AATF: variants seen among roughly 807,000 people sequenced by gnomAD.
AATF encodes the protein apoptosis antagonizing transcription factor, also known as protein AATF.
AATF carries 48 observed loss-of-function variants against 63.7 expected under a neutral mutation model. The ratio of observed to expected loss-of-function variants is 0.75; its 90% CI spans 0.60 to 0.96. The LOEUF (loss-of-function observed/expected upper bound fraction) is 0.96, where lower values mean the gene tolerates loss of function less well. AATF is among the 40% of genes least tolerant of loss of function. AATF has a pLI of 0.00. For synonymous variants in AATF, 258 were observed against 247.7 expected (o/e 1.04, Z -0.39); for missense variants, 639 against 685.7 (o/e 0.93, Z 0.76).
intron 8 of AATF, among the ~76,000 whole-genome samples, chr17:37,017,467 G>C: frequency 6.6e-6 from 1 of 152,086 alleles, no homozygotes; most frequent in East Asian, 1.9e-4. Context: ...TAGGTTTACT[G>C]TGTCATATGT....
At chr17:37,048,475 A>C (rs931241722) in intron 11 of AATF, among the ~76,000 whole-genome samples, 11 of 140,832 alleles carry the variant, frequency 7.8e-5, no homozygotes, top group African/African-American at 3.0e-4. Flanking sequence ...GGTTCAAGTG[A>C]TTTTCCCGGC....
At chr17:37,007,727 G>T (rs1241797671) in intron 8 of AATF, among the ~76,000 whole-genome samples, 2 of 152,166 alleles carry the variant, frequency 1.3e-5, no homozygotes, top group African/African-American at 4.8e-5. Context: ...GAAGGCTCCA[G>T]CGAAGAGGAC....
chr17:37,012,953 T>G (rs2071403097), intron 8 of AATF, among the ~76,000 whole-genome samples: 1 of 152,204 alleles, frequency 6.6e-6, no homozygotes, highest in African/African-American at 2.4e-5. Flanking sequence ...CAATGGTTTC[T>G]TAGATACAAA....
At chr17:37,052,080 A>G (rs1365838455) in intron 11 of AATF, among the ~76,000 whole-genome samples, 3 of 152,146 alleles carry the variant, frequency 2.0e-5, no homozygotes, top group Non-Finnish European at 4.4e-5. Context: ...CGCATTGTCT[A>G]CAGTGGACAC....
intron 5 of AATF, among the ~76,000 whole-genome samples, chr17:36,987,871 A>T (rs1277196232): frequency 1.3e-5 from 2 of 152,224 alleles, no homozygotes; most frequent in East Asian, 1.9e-4. Context: ...AAATATGGTT[A>T]TGTGTTTAAT....
chr17:36,984,815 T>A lies in AATF; in HGVS notation c.833-1802T>A, dbSNP rs958885888. Among the ~76,000 whole-genome samples, 6 of 151,722 alleles carry A rather than the reference T, an allele frequency of 4.0e-5. No individual in the cohort carries two copies. The South Asian group carries it at 6.2e-4, about 16-fold the overall frequency. The stretch of plus-strand genomic sequence containing the variant: ...AAAACCGGCTAGTTTTTAAAAAAAA[T>A]TTTGTAGAGCTGGGGTCTTACTGTG... On this transcript the variant is annotated intron_variant, in intron 4 of 11. Transcript: ENST00000619387.
chr17:37,011,236 G>A (rs545748430), intron 8 of AATF, among the ~76,000 whole-genome samples: 30 of 152,222 alleles, frequency 2.0e-4, no homozygotes, highest in African/African-American at 7.0e-4. Flanking sequence ...TTAGCCCGGC[G>A]TGGTGGTGCA....
At chr17:37,002,730 T>G (rs2071310387) in intron 8 of AATF, among the ~76,000 whole-genome samples, 1 of 151,434 alleles carries the variant, frequency 6.6e-6, no homozygotes, top group Non-Finnish European at 1.5e-5. Flanking sequence ...ACCTAGAAGA[T>G]GAAATATTTA....
At chr17:36,956,854 G>C (rs1286089050) in intron 4 of AATF, among the ~76,000 whole-genome samples, 1 of 152,074 alleles carries the variant, frequency 6.6e-6, no homozygotes, top group Non-Finnish European at 1.5e-5. Context: ...GTACACACTT[G>C]TAGTCCCAGC....
intron 8 of AATF, among the ~76,000 whole-genome samples, chr17:37,014,388 A>G (rs1263947442): frequency 1.3e-5 from 2 of 152,080 alleles, no homozygotes. Context: ...TGCTCTTGCT[A>G]TTGAGACGTC....
intron 8 of AATF, among the ~76,000 whole-genome samples, chr17:37,010,595 G>A: frequency 6.6e-6 from 1 of 152,208 alleles, no homozygotes; most frequent in East Asian, 1.9e-4. Context: ...GCAAGGGGAG[G>A]AGGTAGACGT....
At chr17:36,949,655 G>C (rs1187156097) in intron 1 of AATF, among the ~76,000 whole-genome samples, 1 of 152,254 alleles carries the variant, frequency 6.6e-6, no homozygotes, top group African/African-American at 2.4e-5. Context: ...TTCTGGTGCT[G>C]TTTAAGTCTC....
At chr17:37,018,923 T>C in intron 8 of AATF, 82 bp from the exon 9 acceptor site, 1 of 1,148,878 alleles carries the variant, frequency 8.7e-7, no homozygotes, top group Non-Finnish European at 1.3e-6. Context: ...CACTATGCCA[T>C]TCAGAATTCC....
At chr17:36,957,444 T>C (rs1199249963) in intron 4 of AATF, among the ~76,000 whole-genome samples, 1 of 152,212 alleles carries the variant, frequency 6.6e-6, no homozygotes, top group African/African-American at 2.4e-5. Flanking sequence ...GTCTTCAGTG[T>C]TTTTTACTTT....
At chr17:36,953,941 A>G in intron 4 of AATF, 34 bp downstream of exon 4, 8 of 1,602,302 alleles carry the variant, frequency 5.0e-6, no homozygotes, top group Non-Finnish European at 6.8e-6. Context: ...GAATACTTAG[A>G]ACCACTTTGT....
At chr17:36,965,415 G>A (rs1273204934) in intron 4 of AATF, among the ~76,000 whole-genome samples, 1 of 152,130 alleles carries the variant, frequency 6.6e-6, no homozygotes, top group East Asian at 1.9e-4. Flanking sequence ...AAGGACCCTT[G>A]AGATCACATT....
In AATF at chr17:37,056,639, C is replaced by T. The variant is rs770009044; in HGVS notation, c.1658C>T (p.Pro553Leu). The change falls in exon 12 of 12, where the codon CCT (proline) becomes CTT (leucine). Residue 553 changes from proline (P) to leucine (L), a missense_variant. Physicochemically the swap from Pro to Leu is moderately conservative, Grantham distance 98. Coordinates refer to ENST00000619387, the MANE Select transcript of AATF (RefSeq NM_012138.4). ...CGCTCTCTTTTTGGCCAGCTCCACC[C>T]TCCCGACGAAGGCCACGGGGATTGA... is the stretch of plus-strand genomic sequence containing the variant. The part of the protein sequence containing the change: ...LYRSLFGQLH[P>L]PDEGHGD 2 of 1,614,272 alleles carry T rather than the reference C, an allele frequency of 1.2e-6. No homozygotes were observed. Among genetic ancestry groups the T allele is most frequent in the East Asian group, 2.2e-5 (1 of 44,890 alleles).
intron 10 of AATF, among the ~76,000 whole-genome samples, chr17:37,024,481 C>T (rs979468435): frequency 2.0e-5 from 3 of 152,180 alleles, no homozygotes; most frequent in African/African-American, 7.2e-5. Context: ...TGAGTTGTTT[C>T]ACTGGCCAAC....
chr17:37,035,073 G>A (rs1004156423), intron 11 of AATF, among the ~76,000 whole-genome samples: 20 of 150,470 alleles, frequency 1.3e-4, no homozygotes, highest in African/African-American at 4.6e-4. Flanking sequence ...GCAGTGAGCC[G>A]AGATCGTGCC....
Sources: gnomAD v4.1 joint callset for allele counts (sites outside exome capture counted in the v4.1 genomes callset) on GRCh38, gnomAD v4.1.1 for gene constraint, MANE v1.5 for transcripts, NCBI Gene and HGNC (gene_info 2026-07-23, HGNC 2026-07-21) for gene names.